Variants in ZNF423 observed in about 807,000 individuals in gnomAD.
ZNF423 encodes zinc finger protein 423.
A neutral mutation model predicts 95.8 loss-of-function variants in ZNF423; 12 were observed. The ratio of observed to expected loss-of-function variants is 0.13; its 90% CI spans 0.08 to 0.20. ZNF423 has a LOEUF of 0.20. Among genes scored for constraint, ZNF423 ranks in the 10% least tolerant of loss-of-function variants. The pLI, the probability that ZNF423 is intolerant of heterozygous loss-of-function variation, is 1.00. For missense variants in ZNF423, 1,316 were observed against 1,737.1 expected (o/e 0.76, Z 4.31); for synonymous variants, 749 against 711.9 (o/e 1.05, Z -0.83).
intron 2 of ZNF423, among the ~76,000 whole-genome samples, chr16:49,762,342 C>T (rs1447961976): frequency 6.6e-6 from 1 of 152,190 alleles, no homozygotes; most frequent in Non-Finnish European, 1.5e-5. Context: ...GTCCACCTTT[C>T]CCCATGTCTT....
intron 2 of ZNF423, among the ~76,000 whole-genome samples, chr16:49,758,946 C>G (rs986615239): frequency 6.6e-6 from 1 of 152,122 alleles, no homozygotes; most frequent in African/African-American, 2.4e-5. Flanking sequence ...ATAAGCCTTC[C>G]GAAGTAGCTT....
chr16:49,641,590 C>T (rs1055206219), intron 3 of ZNF423, among the ~76,000 whole-genome samples: 1 of 152,180 alleles, frequency 6.6e-6, no homozygotes, highest in Non-Finnish European at 1.5e-5. Flanking sequence ...TTCATTTGCT[C>T]CTAAACCTTT....
In ZNF423 at chr16:49,638,490, G is replaced by A; in HGVS notation, c.686C>T (p.Pro229Leu). 1 of 1,613,876 alleles carries A rather than the reference G, an allele frequency of 6.2e-7. No individual in the cohort carries two copies. The highest frequency in any genetic ancestry group is 8.5e-7 in the Non-Finnish European group (1 of 1,180,032). Residue 229 changes from proline to leucine, a missense_variant, in exon 4 of 8, where the codon CCC becomes CTC. Pro to Leu is a moderately conservative substitution (Grantham distance 98). Around this residue, in one of 6 missense-constraint regions of ZNF423, gnomAD observed 399 missense variants for 478.5 expected, o/e 0.83. Coordinates refer to ENST00000563137, the MANE Select transcript of ZNF423 (RefSeq NM_001379286.1). The surrounding 1 kb of genome is among the most constrained non-coding windows in gnomAD (Gnocchi z 5.6). ...GCGCTTGCACACAGTGCACTTGAAG[G>A]GCTTGCTGGAGCTGTGGGTCTTCAG... ...IHLKTHSSSK[P>L]FKCTVCKRGF...
chr16:49,535,795 C>A (rs188482418), intron 5 of ZNF423, among the ~76,000 whole-genome samples: 1 of 152,284 alleles, frequency 6.6e-6, no homozygotes, highest in African/African-American at 2.4e-5. Flanking sequence ...GTAGCTTATT[C>A]TTTCTTAACT....
intron 2 of ZNF423, among the ~76,000 whole-genome samples, chr16:49,761,873 A>C (rs1443575034): frequency 6.6e-6 from 1 of 152,244 alleles, no homozygotes; most frequent in African/African-American, 2.4e-5. Context: ...GCTGGAATGC[A>C]GTGGCACGAT....
At chr16:49,491,780 T>C (rs1359850536) in intron 7 of ZNF423, among the ~76,000 whole-genome samples, 1 of 152,186 alleles carries the variant, frequency 6.6e-6, no homozygotes. Context: ...AGACAGCAGA[T>C]GTGCTGTGCA....
At chr16:49,654,910 GT>G (rs11332258) in intron 3 of ZNF423, among the ~76,000 whole-genome samples, 83,933 of 151,902 alleles carry the variant, frequency 0.55, 23,498 homozygotes, top group East Asian at 0.76. Flanking sequence ...CTTCGGTTTT[GT>G]TTTTTATTTA....
intron 2 of ZNF423, among the ~76,000 whole-genome samples, chr16:49,760,910 C>T (rs1371264124): frequency 1.8e-5 from 2 of 110,178 alleles, no homozygotes; most frequent in African/African-American, 8.4e-5. Flanking sequence ...CCACCACCTC[C>T]CTCCAACACA....
At chr16:49,688,140 G>A (rs1017381293) in intron 3 of ZNF423, among the ~76,000 whole-genome samples, 4 of 149,618 alleles carry the variant, frequency 2.7e-5, no homozygotes, top group East Asian at 2.0e-4. Flanking sequence ...GCAGGGCTCC[G>A]TGGGGCAGCA....
intron 5 of ZNF423, among the ~76,000 whole-genome samples, chr16:49,545,127 T>A (rs969863384): frequency 1.2e-4 from 18 of 152,226 alleles, no homozygotes; most frequent in Non-Finnish European, 2.6e-4. Context: ...CTGCCAACAA[T>A]GGCCCTTCCC....
intron 3 of ZNF423, among the ~76,000 whole-genome samples, chr16:49,679,610 G>A (rs575376475): frequency 2.0e-5 from 3 of 152,380 alleles, no homozygotes; most frequent in South Asian, 2.1e-4. Context: ...AGCATGGGAG[G>A]GACACCAAGA....
At chr16:49,776,908 C>T (rs900011851) in intron 2 of ZNF423, among the ~76,000 whole-genome samples, 1 of 152,246 alleles carries the variant, frequency 6.6e-6, no homozygotes, top group African/African-American at 2.4e-5. Flanking sequence ...TCAAGGGAGA[C>T]AGCCCAGAAA....
intron 5 of ZNF423, among the ~76,000 whole-genome samples, chr16:49,561,164 C>T (rs1019324044): frequency 2.6e-5 from 4 of 152,194 alleles, no homozygotes; most frequent in Admixed American, 2.0e-4. Flanking sequence ...CTCCTGAGAG[C>T]CAACTGTGCG....
Position 49,680,020 on chromosome 16 carries a change from C to T in ZNF423, c.302-41146G>A, listed in dbSNP as rs548489421. 1.3e-4 allele frequency among the ~76,000 whole-genome samples: 20 copies of T among 152,366 alleles called. No individual in the cohort carries two copies. In the East Asian group the frequency reaches 3.9e-3, roughly 29 times the overall value. On this transcript the variant is annotated intron_variant, in intron 3 of 7. Coordinates refer to ENST00000563137, the MANE Select transcript of ZNF423 (RefSeq NM_001379286.1). ...AACCTACCTGTGGAAAAGAGCTACC[C>T]ACTGTGGGTCTCCTCTGAGCTGAGA...
At chr16:49,700,107 TG>T (rs1329891354) in intron 3 of ZNF423, among the ~76,000 whole-genome samples, 1 of 145,622 alleles carries the variant, frequency 6.9e-6, no homozygotes, top group Non-Finnish European at 1.5e-5. Flanking sequence ...GAGGGTGGCT[TG>T]GGGAAAGAGA....
chr16:49,591,130 G>T (rs2151816622), intron 5 of ZNF423, among the ~76,000 whole-genome samples: 1 of 152,310 alleles, frequency 6.6e-6, no homozygotes, highest in African/African-American at 2.4e-5. Flanking sequence ...ACCAAACCAA[G>T]TGTGCTAAAA....
At chr16:49,585,608 T>C (rs1970807324) in intron 5 of ZNF423, among the ~76,000 whole-genome samples, 1 of 152,266 alleles carries the variant, frequency 6.6e-6, no homozygotes, top group Non-Finnish European at 1.5e-5. Context: ...TCTAATGTTA[T>C]ACCACTATTC....
intron 1 of ZNF423, among the ~76,000 whole-genome samples, chr16:49,819,177 G>A (rs976652023): frequency 1.3e-5 from 2 of 149,994 alleles, no homozygotes; most frequent in African/African-American, 4.9e-5. Context: ...GTGAACCCGG[G>A]AGGCGGAGCT....
intron 3 of ZNF423, among the ~76,000 whole-genome samples, chr16:49,652,644 C>T (rs1973452727): frequency 6.6e-6 from 1 of 152,240 alleles, no homozygotes; most frequent in African/African-American, 2.4e-5. Context: ...CGCCAAGGGC[C>T]TGAGCAAAGG....
Sources: gnomAD v4.1 joint callset for allele counts (sites outside exome capture counted in the v4.1 genomes callset) on GRCh38, gnomAD v4.1.1 for gene constraint, gnomAD v4.1.1 regional missense constraint, Gnocchi (gnomAD v3.1) non-coding constraint, MANE v1.5 for transcripts, NCBI Gene and HGNC (gene_info 2026-07-23, HGNC 2026-07-21) for gene names.